The following SYNE2 variants were observed in gnomAD, a reference collection of about 807,000 sequenced individuals.
SYNE2 encodes the protein nesprin-2.
A neutral mutation model predicts 856.3 loss-of-function variants in SYNE2; 431 were observed. The ratio of observed to expected loss-of-function variants is 0.50; its 90% CI spans 0.47 to 0.55. SYNE2 has a LOEUF of 0.55. Ranked by LOEUF, SYNE2 falls within the 20% of genes least tolerant of loss-of-function variation. The pLI is 0.00. For synonymous variants in SYNE2, 2,923 were observed against 2,872.3 expected, an observed-to-expected ratio of 1.02 and a Z score of -0.56; for missense variants, 8,129 against 8,023.2, an observed-to-expected ratio of 1.01 and a Z score of -0.50.
intron 99 of SYNE2, among the ~76,000 whole-genome samples, chr14:64,195,694 G>A (rs2098537857): frequency 6.6e-6 from 1 of 152,202 alleles, no homozygotes; most frequent in Non-Finnish European, 1.5e-5. Flanking sequence ...GAATGGGCAG[G>A]AATACGTGTG....
In SYNE2 at chr14:64,188,444, G is replaced by A. The variant is rs2098502372; in HGVS notation, c.17713-106G>A. On this transcript the variant is annotated intron_variant, in intron 97 of 115. Coordinates refer to ENST00000555002, the MANE Select transcript of SYNE2 (RefSeq NM_182914.3). ...GGCAAAACCAGACAAGGTTGAGTGC[G>A]GAGAGCTACTGATTAAAATGAATGA... is the stretch of plus-strand genomic sequence containing the variant. 2.3e-6 allele frequency: 3 copies of A among 1,291,720 alleles called. No individual in the cohort carries two copies. In the Admixed American group the frequency reaches 5.2e-5, roughly 22 times the overall value. The allele number at this position is 1,291,720 out of a possible 1,614,324, so 80.0% of individuals were successfully genotyped here.
intron 1 of SYNE2, among the ~76,000 whole-genome samples, chr14:63,769,321 TCC>T: frequency 6.6e-6 from 1 of 151,880 alleles, no homozygotes; most frequent in Non-Finnish European, 1.5e-5. Context: ...ATGCCTGTAA[TCC>T]CAGCACTTTG....
chr14:63,947,811 G>A (rs142087319), intron 6 of SYNE2, among the ~76,000 whole-genome samples: 2 of 152,054 alleles, frequency 1.3e-5, no homozygotes, highest in Admixed American at 6.5e-5. Context: ...CCCTCCAGAC[G>A]GGGCAACAAG....
Position 64,129,746 on chromosome 14 carries a change from G to A in SYNE2, c.14020-36G>A, listed in dbSNP as rs540406876. On this transcript the variant is annotated intron_variant, in intron 74 of 115. Coordinates refer to ENST00000555002, the MANE Select transcript of SYNE2 (RefSeq NM_182914.3). ...ACTATGTGTACTTCTCTGACTTACTGAAGGGTTTTCTTTTCTTGTATTGTC... is the reference window on the plus strand; with the variant it reads ...ACTATGTGTACTTCTCTGACTTACTAAAGGGTTTTCTTTTCTTGTATTGTC... 2.5e-6 allele frequency: 4 copies of A among 1,613,276 alleles called. 1 individual carries two copies. The highest frequency in any genetic ancestry group is 3.5e-4 in the Middle Eastern group (2 of 5,634).
intron 78 of SYNE2, among the ~76,000 whole-genome samples, chr14:64,135,701 T>G (rs1220805208): frequency 6.6e-6 from 1 of 152,244 alleles, no homozygotes; most frequent in Non-Finnish European, 1.5e-5. Flanking sequence ...GTGATTCTAT[T>G]ACATTTGAAA....
chr14:64,143,867 C>A lies in SYNE2; in HGVS notation c.15402C>A (p.Arg5134=). The A allele has an allele frequency of 6.2e-7, 1 of 1,614,174 alleles. No individual in the cohort carries two copies. ...QLSTCDVESK[R]YERTEFAEHL... ...GCACCTGTGATGTAGAAAGCAAGCG[C>A]TATGAAAGAACGGAGTTTGCAGAGC... Residue 5134 remains arginine, a synonymous_variant, in exon 83 of 116, where the codon CGC becomes CGA. Coordinates refer to ENST00000555002, the MANE Select transcript of SYNE2 (RefSeq NM_182914.3).
intron 63 of SYNE2, chr14:64,099,998 A>C (rs1035156303): frequency 6.6e-6 from 1 of 152,122 alleles, no homozygotes; most frequent in Non-Finnish European, 1.5e-5. Context: ...CCAAAGGACT[A>C]TAAATCATGC....
chr14:64,132,851 A>G (rs184071486), intron 77 of SYNE2, among the ~76,000 whole-genome samples: 6 of 152,204 alleles, frequency 3.9e-5, no homozygotes, highest in African/African-American at 1.2e-4. Flanking sequence ...GCTCCTTCTC[A>G]GTTTTGAGGC....
chr14:63,775,172 C>T (rs981497623), intron 1 of SYNE2, among the ~76,000 whole-genome samples: 5 of 151,854 alleles, frequency 3.3e-5, no homozygotes, highest in Non-Finnish European at 5.9e-5. Context: ...GATGGGGTTT[C>T]GCCATGTTGG....
rs1425627285 is a variant in SYNE2 at position 64,143,801 on chromosome 14, G to C, written c.15336G>C (p.Gln5112His). The part of the protein sequence containing the change: ...KEFRMEMDYK[Q>H]WIVDFVNQSL... The stretch of plus-strand genomic sequence containing the variant: ...TTAGAATGGAAATGGACTATAAACA[G>C]TGGATAGTTGACTTCGTTAACCAGT... The change falls in exon 83 of 116, where the codon CAG becomes CAC. Residue 5112 changes from glutamine to histidine, a missense_variant. By Grantham distance (24) the Gln-to-His change is conservative. Coordinates refer to ENST00000555002, the MANE Select transcript of SYNE2 (RefSeq NM_182914.3). The C allele has an allele frequency of 6.2e-7, 1 of 1,614,190 alleles. No individual in the cohort carries two copies. The highest frequency in any genetic ancestry group is 1.7e-5 in the Admixed American group (1 of 60,026).
At chr14:64,026,975 A>G (rs2096985300) in intron 42 of SYNE2, among the ~76,000 whole-genome samples, 1 of 152,242 alleles carries the variant, frequency 6.6e-6, no homozygotes, top group Non-Finnish European at 1.5e-5. Context: ...AAATATGTGA[A>G]CATTGATAAA....
intron 1 of SYNE2, among the ~76,000 whole-genome samples, chr14:63,815,578 A>C (rs1259087691): frequency 6.6e-6 from 1 of 152,086 alleles, no homozygotes; most frequent in Non-Finnish European, 1.5e-5. Context: ...TAACACCCTC[A>C]TAGACACACC....
chr14:64,219,104 G>GTTTTTTTGTTTT (rs772906156), intron 109 of SYNE2, 104 bp from the exon 110 acceptor site: 4 of 409,018 alleles, frequency 9.8e-6, no homozygotes, highest in East Asian at 5.8e-5. Context: ...CAGTTTTTTT[G>GTTTTTTTGTTTT]TTTTTTTTTT....
chr14:64,025,277 T>A lies in SYNE2; in HGVS notation c.6108T>A (p.Asp2036Glu). 6.2e-7 allele frequency: 1 copy of A among 1,614,128 alleles called. No individual in the cohort carries two copies. The highest frequency in any genetic ancestry group is 8.5e-7 in the Non-Finnish European group (1 of 1,179,992). Residue 2036 changes from aspartate to glutamate, a missense_variant, in exon 41 of 116, where the codon GAT becomes GAA. Around this residue, in one of 3 missense-constraint regions of SYNE2, gnomAD observed 2,422 missense variants for 2,357.4 expected, o/e 1.03. Coordinates refer to ENST00000555002, the MANE Select transcript of SYNE2 (RefSeq NM_182914.3). ...AACTAAGTGAAATCGAGGAAGAGGATAAGTTACTACCCACAGAGGACCAGA... is the reference window on the plus strand; with the variant it reads ...AACTAAGTGAAATCGAGGAAGAGGAAAAGTTACTACCCACAGAGGACCAGA... ...LRQLSEIEEEDKLLPTEDQSF... is the reference protein window; with the variant it reads ...LRQLSEIEEEEKLLPTEDQSF...
chr14:64,096,093 A>G (rs1043247188), intron 61 of SYNE2, among the ~76,000 whole-genome samples: 1 of 152,234 alleles, frequency 6.6e-6, no homozygotes, highest in African/African-American at 2.4e-5. Context: ...CAATACTTTG[A>G]TCCTGGACTT....
At chr14:63,981,473 A>G (rs2096585333) in intron 16 of SYNE2, among the ~76,000 whole-genome samples, 1 of 152,178 alleles carries the variant, frequency 6.6e-6, no homozygotes, top group African/African-American at 2.4e-5. Flanking sequence ...ATGTTTTGCT[A>G]AGCTCTTTGG....
At position 64,220,714 on chromosome 14, in the gene SYNE2, T is replaced by A; in HGVS notation, c.20061+77T>A. 3.9e-6 allele frequency: 6 copies of A among 1,524,614 alleles called. No homozygotes were observed. In the South Asian group the frequency reaches 5.7e-5, roughly 15 times the overall value. 94.4% of individuals were successfully genotyped at this position (1,524,614 alleles called of 1,614,324 possible). ...GTAGGAGCAGCAGATATTTTTATCA[T>A]CATCAGGCTGCTTCCGTGCAGCCAA... is the stretch of plus-strand genomic sequence containing the variant. On this transcript the variant is annotated intron_variant, in intron 111 of 115. Transcript: ENST00000555002.
At chr14:63,915,109 C>A (rs1306077922) in intron 2 of SYNE2, among the ~76,000 whole-genome samples, 2 of 152,152 alleles carry the variant, frequency 1.3e-5, no homozygotes, top group African/African-American at 4.8e-5. Context: ...GGCAAGATAG[C>A]ATCAAATATG....
intron 1 of SYNE2, among the ~76,000 whole-genome samples, chr14:63,902,275 G>T (rs1331974993): frequency 1.3e-5 from 2 of 151,832 alleles, no homozygotes; most frequent in Non-Finnish European, 2.9e-5. Flanking sequence ...GCCGTGTGTG[G>T]TGGTACGTGC....
Sources: allele counts gnomAD v4.1 joint callset (sites outside exome capture counted in the v4.1 genomes callset), GRCh38; gene constraint gnomAD v4.1.1; regional missense constraint gnomAD v4.1.1; transcripts MANE v1.5; gene names NCBI Gene and HGNC (gene_info 2026-07-23, HGNC 2026-07-21).